HECW1: variants seen among roughly 807,000 people sequenced by gnomAD.
HECW1 encodes HECT, C2 and WW domain containing E3 ubiquitin protein ligase 1, also known as E3 ubiquitin-protein ligase HECW1.
In HECW1, 61 loss-of-function variants were observed where a neutral mutation model predicts 182.3. The observed-to-expected ratio is 0.33, with a 90% CI of 0.27 to 0.41. The LOEUF (loss-of-function observed/expected upper bound fraction) is 0.41, where lower values mean the gene tolerates loss of function less well. Ranked by LOEUF, HECW1 falls within the 10% of genes least tolerant of loss-of-function variation. HECW1 has a pLI of 1.00. For synonymous variants in HECW1, 859 were observed against 832.6 expected (o/e 1.03, Z -0.55); for missense variants, 1,739 against 2,108.9 (o/e 0.82, Z 3.44).
At chr7:43,208,558 A>G (rs1583977274) in intron 2 of HECW1, among the ~76,000 whole-genome samples, 1 of 152,230 alleles carries the variant, frequency 6.6e-6, no homozygotes, top group East Asian at 1.9e-4. Flanking sequence ...GCTCACATTC[A>G]TCTCTTCTGG....
intron 5 of HECW1, among the ~76,000 whole-genome samples, chr7:43,339,625 C>A (rs913799206): frequency 2.6e-5 from 4 of 152,178 alleles, no homozygotes; most frequent in African/African-American, 9.7e-5. Flanking sequence ...AATTGCCATA[C>A]ATTGGGTATG....
chr7:43,136,300 T>C (rs1009849160), intron 2 of HECW1, among the ~76,000 whole-genome samples: 1 of 152,214 alleles, frequency 6.6e-6, no homozygotes, highest in African/African-American at 2.4e-5. Context: ...ATGAGTAGCT[T>C]CCCAAAGCTG....
At chr7:43,447,429 A>G (rs1280782164) in intron 11 of HECW1, among the ~76,000 whole-genome samples, 1 of 152,252 alleles carries the variant, frequency 6.6e-6, no homozygotes, top group African/African-American at 2.4e-5. Flanking sequence ...CTGAATTGGC[A>G]CTGGCAGTTT....
At chr7:43,255,789 A>G (rs1235072668) in intron 3 of HECW1, among the ~76,000 whole-genome samples, 1 of 152,190 alleles carries the variant, frequency 6.6e-6, no homozygotes, top group African/African-American at 2.4e-5. Context: ...TTCCACTCAC[A>G]GGAAATGTGG....
intron 16 of HECW1, among the ~76,000 whole-genome samples, chr7:43,475,323 G>A (rs996104761): frequency 1.4e-4 from 21 of 152,154 alleles, no homozygotes; most frequent in African/African-American, 4.8e-4. Context: ...AAGCACAATT[G>A]TAAGAACAAA....
rs145187076 is a variant in HECW1, at chr7:43,447,502, C to A, written c.2398+1932C>A. ...TAAACTCAGAAAAGGTTAAGAAGCA[C>A]CTACATGCTTCACTATGGCGATCAC... On this transcript the variant is annotated intron_variant, in intron 11 of 29. Coordinates refer to ENST00000395891, the MANE Select transcript of HECW1 (RefSeq NM_015052.5). 1.5e-3 allele frequency among the ~76,000 whole-genome samples: 225 copies of A among 152,274 alleles called. 1 individual carries two copies. Among genetic ancestry groups the A allele is most frequent in the African/African-American group, 5.0e-3 (208 of 41,564 alleles).
intron 5 of HECW1, among the ~76,000 whole-genome samples, chr7:43,330,262 A>C (rs1310010363): frequency 6.6e-6 from 1 of 152,210 alleles, no homozygotes. Context: ...GCCCTGAGAC[A>C]GCTGGGCTGG....
In HECW1 at chr7:43,186,225, C is replaced by T. The variant is rs555831423; in HGVS notation, c.-31-57650C>T. The stretch of plus-strand genomic sequence containing the variant: ...ATGATTTATTTGCTAATTTATAAAA[C>T]ATAGCTCTAGCAGTTTGTGCTCATT... On this transcript the variant is annotated intron_variant, in intron 2 of 29. Coordinates refer to ENST00000395891, the MANE Select transcript of HECW1 (RefSeq NM_015052.5). 5.3e-5 allele frequency among the ~76,000 whole-genome samples: 8 copies of T among 152,320 alleles called. No individual in the cohort carries two copies. In the South Asian group the frequency reaches 1.7e-3, roughly 32 times the overall value.
chr7:43,340,660 C>G (rs111920038), intron 5 of HECW1, among the ~76,000 whole-genome samples: 49 of 151,832 alleles, frequency 3.2e-4, no homozygotes, highest in Middle Eastern at 3.4e-3. Flanking sequence ...CCCCCTGACA[C>G]GTGAAGTAAG....
At chr7:43,470,761 G>T (rs1434889535) in intron 16 of HECW1, among the ~76,000 whole-genome samples, 3 of 146,896 alleles carry the variant, frequency 2.0e-5, no homozygotes, top group Non-Finnish European at 3.0e-5. Context: ...ACACATAAAT[G>T]GTCTCAGCAA....
chr7:43,456,006 GAA>G (rs900245502), intron 12 of HECW1, among the ~76,000 whole-genome samples: 1 of 143,160 alleles, frequency 7.0e-6, no homozygotes, highest in African/African-American at 2.6e-5. Context: ...GTCTCAAAAA[GAA>G]AAAAAAAAAG....
intron 3 of HECW1, among the ~76,000 whole-genome samples, chr7:43,257,678 G>T (rs926807853): frequency 2.0e-5 from 3 of 152,108 alleles, no homozygotes; most frequent in African/African-American, 7.2e-5. Context: ...AGTGTGTTGA[G>T]GTGACCCTCA....
rs181157662 is a variant in HECW1, at chr7:43,232,485, C to T, written c.-31-11390C>T. On this transcript the variant is annotated intron_variant, in intron 2 of 29. Transcript: ENST00000395891. ...CATACAATCTCAGTGGCTTCCACAA[C>T]AAAAGCTTATTTCTCACTCACATCA... Among the ~76,000 whole-genome samples, 717 of 152,314 alleles carry T rather than the reference C, an allele frequency of 4.7e-3. 20 individuals carry two copies. Among genetic ancestry groups the T allele is most frequent in the Admixed American group, 0.044 (676 of 15,302 alleles).
intron 2 of HECW1, among the ~76,000 whole-genome samples, chr7:43,126,683 C>G (rs1164420898): frequency 1.3e-5 from 2 of 152,176 alleles, no homozygotes; most frequent in Non-Finnish European, 2.9e-5. Flanking sequence ...CTGAGTCCAG[C>G]AAGTCTATCG....
chr7:43,151,346 G>A (rs1789307505), intron 2 of HECW1, among the ~76,000 whole-genome samples: 2 of 152,128 alleles, frequency 1.3e-5, no homozygotes, highest in Non-Finnish European at 2.9e-5. Context: ...AGTAAACCTT[G>A]TAAAAATGAT....
intron 5 of HECW1, among the ~76,000 whole-genome samples, chr7:43,328,554 G>C (rs147629589): frequency 6.6e-6 from 1 of 152,306 alleles, no homozygotes; most frequent in Non-Finnish European, 1.5e-5. Context: ...CAGCCCACGT[G>C]GGAAGACAAG....
At chr7:43,244,927 G>A (rs76552426) in intron 3 of HECW1, among the ~76,000 whole-genome samples, 4,027 of 152,330 alleles carry the variant, frequency 0.026, 110 homozygotes, top group East Asian at 0.17. Context: ...GCCTTGGTAC[G>A]CGTCAGCGGG....
At chr7:43,283,921 T>C (rs1012018858) in intron 3 of HECW1, among the ~76,000 whole-genome samples, 3 of 152,224 alleles carry the variant, frequency 2.0e-5, no homozygotes, top group Non-Finnish European at 4.4e-5. Flanking sequence ...TTCCCCCAGC[T>C]GCGGCTGCCT....
chr7:43,538,161 G>A (rs1456883943), intron 24 of HECW1, among the ~76,000 whole-genome samples: 3 of 152,218 alleles, frequency 2.0e-5, no homozygotes, highest in African/African-American at 7.2e-5. Flanking sequence ...AGGGAGTCAA[G>A]TTGGTCTCTC....
Sources: gnomAD v4.1 joint callset for allele counts (sites outside exome capture counted in the v4.1 genomes callset) on GRCh38, gnomAD v4.1.1 for gene constraint, MANE v1.5 for transcripts, NCBI Gene and HGNC (gene_info 2026-07-23, HGNC 2026-07-21) for gene names.